Variants in MARCHF2 observed in about 807,000 individuals in gnomAD.
MARCHF2 encodes the protein membrane associated ring-CH-type finger 2, also known as E3 ubiquitin-protein ligase MARCHF2.
In MARCHF2, 22 loss-of-function variants were observed where a neutral mutation model predicts 24.0. That is an observed-to-expected ratio of 0.92 (90% confidence interval 0.66 to 1.31). MARCHF2 has a LOEUF of 1.31. Among genes scored for constraint, MARCHF2 ranks in the 50% most tolerant of loss-of-function variants. MARCHF2 has a pLI of 0.00. For synonymous variants in MARCHF2, 154 were observed against 153.0 expected, an observed-to-expected ratio of 1.01 and a Z score of -0.05; for missense variants, 301 against 335.3, an observed-to-expected ratio of 0.90 and a Z score of 0.80.
At chr19:8,427,816 CAAA>C (rs35518866) in intron 3 of MARCHF2, 197 of 132,634 alleles carry the variant, frequency 1.5e-3, no homozygotes, top group Admixed American at 1.5e-3. Flanking sequence ...ACAAAAAATA[CAAA>C]AAAAAAAAAA....
At chr19:8,424,098 G>A in intron 2 of MARCHF2, among the ~76,000 whole-genome samples, 1 of 152,072 alleles carries the variant, frequency 6.6e-6, no homozygotes. Flanking sequence ...CTTCTGGCCA[G>A]AAATGTTTGG....
intron 4 of MARCHF2, among the ~76,000 whole-genome samples, chr19:8,434,632 C>T (rs1256761318): frequency 6.6e-6 from 1 of 152,008 alleles, no homozygotes; most frequent in Non-Finnish European, 1.5e-5. Flanking sequence ...CCATTATGAA[C>T]AGTGCTTTGG....
chr19:8,417,884 T>C (rs1967126150), intron 1 of MARCHF2, among the ~76,000 whole-genome samples: 2 of 143,204 alleles, frequency 1.4e-5, no homozygotes, highest in African/African-American at 5.1e-5. Flanking sequence ...TGTCTCAGCC[T>C]CCCGAGTAGC....
At chr19:8,438,151 T>C (rs1435641039) in intron 4 of MARCHF2, among the ~76,000 whole-genome samples, 1 of 152,114 alleles carries the variant, frequency 6.6e-6, no homozygotes, top group Non-Finnish European at 1.5e-5. Context: ...GTTTGCTTCC[T>C]GCTGGTGTGT....
chr19:8,428,153 G>A (rs1265546640), intron 3 of MARCHF2, among the ~76,000 whole-genome samples: 1 of 152,094 alleles, frequency 6.6e-6, no homozygotes, highest in African/African-American at 2.4e-5. Context: ...CCAGCTACTC[G>A]GGAGGCTGAG....
At position 8,422,029 on chromosome 19, in the gene MARCHF2, T is replaced by C. The variant is rs1967262393; in HGVS notation, c.176+13T>C. 1 of 1,595,662 alleles carries C rather than the reference T, an allele frequency of 6.3e-7. No individual in the cohort carries two copies. The highest frequency in any genetic ancestry group is 8.6e-7 in the Non-Finnish European group (1 of 1,169,428). On this transcript the variant is annotated intron_variant, in intron 2 of 4. Coordinates refer to ENST00000215555, the MANE Select transcript of MARCHF2 (RefSeq NM_001005415.2). ...TGGACACACCGAGGTGAGTGGTGAC[T>C]GCGTGGATATCCTGGCCTTTGTTGC...
At chr19:8,435,144 G>A (rs1255499936) in intron 4 of MARCHF2, among the ~76,000 whole-genome samples, 3 of 150,068 alleles carry the variant, frequency 2.0e-5, no homozygotes, top group Non-Finnish European at 4.4e-5. Flanking sequence ...TCAGCCTCCC[G>A]AGTAGCTGGG....
chr19:8,413,696 G>C (rs978623355), intron 1 of MARCHF2: 1 of 152,252 alleles, frequency 6.6e-6, no homozygotes, highest in Non-Finnish European at 1.5e-5. Context: ...GATTCAGGAG[G>C]TGGCTGGTGC....
intron 2 of MARCHF2, among the ~76,000 whole-genome samples, chr19:8,424,146 G>A (rs1204566696): frequency 1.3e-5 from 2 of 152,094 alleles, no homozygotes; most frequent in African/African-American, 2.4e-5. Flanking sequence ...TCTGGGCCAC[G>A]CCCCCTGCCT....
intron 4 of MARCHF2, among the ~76,000 whole-genome samples, chr19:8,435,274 T>C (rs1219977506): frequency 1.3e-5 from 2 of 152,092 alleles, no homozygotes; most frequent in Admixed American, 6.6e-5. Context: ...CGTGTCTGCC[T>C]CCCAAAGTGC....
intron 4 of MARCHF2, among the ~76,000 whole-genome samples, chr19:8,431,864 T>C (rs1161818106): frequency 1.4e-5 from 2 of 146,654 alleles, no homozygotes; most frequent in Non-Finnish European, 3.0e-5. Context: ...AAAAATAAAT[T>C]GAAAGAGGAA....
chr19:8,437,790 G>A (rs1967770803), intron 4 of MARCHF2, among the ~76,000 whole-genome samples: 1 of 151,542 alleles, frequency 6.6e-6, no homozygotes. Flanking sequence ...TGTCGCCCAG[G>A]CTGGAGTGCA....
intron 2 of MARCHF2, among the ~76,000 whole-genome samples, chr19:8,424,813 C>T (rs1484105361): frequency 1.3e-5 from 2 of 152,098 alleles, no homozygotes; most frequent in South Asian, 2.1e-4. Flanking sequence ...CTGGAGTTTA[C>T]GGGGAAACAA....
In MARCHF2 at chr19:8,430,695, C is replaced by T; in HGVS notation, c.410C>T (p.Thr137Ile). The change falls in exon 4 of 5, where the codon ACA becomes ATA. Residue 137 changes from threonine (T) to isoleucine (I), a missense_variant. Transcript: ENST00000215555. The surrounding 1 kb of genome is among the most constrained non-coding windows in gnomAD (Gnocchi z 4.4). ...CCGGGGCCGCGGACGGAGAAGCGGA[C>T]ACTGTGCTGCGACATGGTGTGTTTC... ...KDPGPRTEKR[T>I]LCCDMVCFLF... is the part of the protein sequence containing the mutation. The T allele has an allele frequency of 6.2e-7, 1 of 1,610,864 alleles. No individual in the cohort carries two copies. Among genetic ancestry groups the T allele is most frequent in the African/African-American group, 1.3e-5 (1 of 75,038 alleles).
rs1335605995 is a variant in MARCHF2 at position 8,430,918 on chromosome 19, C to T, written c.582+51C>T. ...GCGTCTCGAGCTCTGCCGCTGGGAG[C>T]AGCAGGGCCAAGGATTTGGCCCCTG... On this transcript the variant is annotated intron_variant, in intron 4 of 4. Coordinates refer to ENST00000215555, the MANE Select transcript of MARCHF2 (RefSeq NM_001005415.2). The surrounding 1 kb of genome is among the most constrained non-coding windows in gnomAD (Gnocchi z 4.4). 2 of 1,510,360 alleles carry T rather than the reference C, an allele frequency of 1.3e-6. No homozygotes were observed. The highest frequency in any genetic ancestry group is 2.0e-5 in the Admixed American group (1 of 49,932). 93.6% of individuals were successfully genotyped at this position (1,510,360 alleles called of 1,614,324 possible).
At position 8,430,800 on chromosome 19, in the gene MARCHF2, A is replaced by G; in HGVS notation, c.515A>G (p.Gln172Arg). 2 of 1,611,158 alleles carry G rather than the reference A, an allele frequency of 1.2e-6. No individual in the cohort carries two copies. The highest frequency in any genetic ancestry group is 1.7e-6 in the Non-Finnish European group (2 of 1,179,992). Residue 172 changes from glutamine (Q) to arginine (R), a missense_variant, in exon 4 of 5, where the codon CAG (glutamine) becomes CGG (arginine). By Grantham distance (43) the Gln-to-Arg change is conservative (BLOSUM62 1). Transcript: ENST00000215555. The surrounding 1 kb of genome is among the most constrained non-coding windows in gnomAD (Gnocchi z 4.4). ...GAQDHLRLHS[Q>R]LEAVGLIALT... ...CAGGACCACCTCCGGCTCCACAGCC[A>G]GCTGGAGGCCGTGGGTCTCATTGCC...
chr19:8,415,317 G>A (rs1967047090), intron 1 of MARCHF2, among the ~76,000 whole-genome samples: 1 of 151,828 alleles, frequency 6.6e-6, no homozygotes, highest in South Asian at 2.1e-4. Context: ...GAACCTGGGG[G>A]CGGTGGAAGC....
At chr19:8,422,326 G>A (rs138771381) in intron 2 of MARCHF2, among the ~76,000 whole-genome samples, 1,833 of 152,092 alleles carry the variant, frequency 0.012, 26 homozygotes, top group Non-Finnish European at 0.021. Context: ...TCAGTGCCTC[G>A]GCCCTGACCC....
Position 8,421,960 on chromosome 19 carries a change from G to T in MARCHF2, c.120G>T (p.Val40=). Residue 40 remains valine, a synonymous_variant, in exon 2 of 5, where the codon GTG becomes GTT. Transcript: ENST00000215555. ...GACCGCCCCAGTATGTGGCACAGGT[G>T]ACTTCAAGGGATGGCCGGCTCCTCT... The part of the protein sequence containing the change: ...GLGPPQYVAQ[V]TSRDGRLLST... The T allele has an allele frequency of 6.2e-7, 1 of 1,613,560 alleles. No homozygotes were observed. Among genetic ancestry groups the T allele is most frequent in the South Asian group, 1.1e-5 (1 of 90,894 alleles).
Sources: allele counts gnomAD v4.1 joint callset (sites outside exome capture counted in the v4.1 genomes callset), GRCh38; gene constraint gnomAD v4.1.1; non-coding constraint Gnocchi (gnomAD v3.1); transcripts MANE v1.5; gene names NCBI Gene and HGNC (gene_info 2026-07-23, HGNC 2026-07-21).